Variants in PLEKHD1 observed in about 807,000 individuals in gnomAD.
PLEKHD1 encodes pleckstrin homology domain-containing family D member 1.
Under a neutral mutation model 69.2 loss-of-function variants are expected in PLEKHD1, and 51 were observed. The ratio of observed to expected loss-of-function variants is 0.74; its 90% CI spans 0.59 to 0.93. The LOEUF is 0.93. PLEKHD1 is among the 40% of genes least tolerant of loss of function. The pLI, the probability that PLEKHD1 is intolerant of heterozygous loss-of-function variation, is 0.00. For synonymous variants in PLEKHD1, 236 were observed against 244.7 expected (o/e 0.96, Z 0.33); for missense variants, 584 against 641.0 (o/e 0.91, Z 0.96).
chr14:69,471,093 T>A, the PLEKHD1 span, among the ~76,000 whole-genome samples: 1 of 47,080 alleles, frequency 2.1e-5, no homozygotes, highest in Non-Finnish European at 4.6e-5. Context: ...GCCTGGCCTT[T>A]TTTTTTTTTT....
chr14:69,491,294 G>T (rs375143834), intron 1 of PLEKHD1, among the ~76,000 whole-genome samples: 36 of 152,306 alleles, frequency 2.4e-4, no homozygotes, highest in African/African-American at 8.4e-4. Flanking sequence ...GTGGCAAAGA[G>T]GAGGGCAGAG....
intron 1 of PLEKHD1, among the ~76,000 whole-genome samples, chr14:69,494,903 T>G (rs1004157117): frequency 2.0e-5 from 3 of 152,120 alleles, no homozygotes; most frequent in African/African-American, 7.2e-5. Context: ...TCCTAGAAAT[T>G]TGCTTGCCAG....
At chr14:69,525,893 G>T (rs1363122388) in intron 8 of PLEKHD1, 51 bp from the exon 9 acceptor site, 1 of 1,514,698 alleles carries the variant, frequency 6.6e-7, no homozygotes, top group Non-Finnish European at 8.9e-7. Context: ...GGGCAGCCAC[G>T]ATGGAGAACC....
chr14:69,515,001 C>T (rs532080123), intron 6 of PLEKHD1, among the ~76,000 whole-genome samples: 3 of 152,220 alleles, frequency 2.0e-5, no homozygotes, highest in Admixed American at 2.0e-4. Context: ...AGTTCAAGAC[C>T]AGCCTGTGTG....
intron 1 of PLEKHD1, among the ~76,000 whole-genome samples, chr14:69,497,307 C>A (rs1264043350): frequency 6.6e-6 from 1 of 152,364 alleles, no homozygotes; most frequent in South Asian, 2.1e-4. Flanking sequence ...GATGCCAAAG[C>A]CTATATGCTC....
At chr14:69,475,475 A>G in the PLEKHD1 span, among the ~76,000 whole-genome samples, 1 of 151,898 alleles carries the variant, frequency 6.6e-6, no homozygotes, top group Admixed American at 6.5e-5. Flanking sequence ...ACTCCCAAAA[A>G]CGCTTCTGCA....
Position 69,500,651 on chromosome 14 carries a change from C to A in PLEKHD1, c.318C>A (p.Ser106=). The change falls in exon 3 of 13, where the codon TCC becomes TCA. Residue 106 remains serine (S), a synonymous_variant. Coordinates refer to ENST00000322564, the MANE Select transcript of PLEKHD1 (RefSeq NM_001161498.2). The part of the protein sequence containing the change: ...EPSMPYAMKI[S]HQDFHGNILL... ...GCATGCCCTATGCCATGAAGATCTC[C>A]CACCAGGACTTCCATGTGAGTAAAG... 6.4e-7 allele frequency: 1 copy of A among 1,551,430 alleles called. No homozygotes were observed. The highest frequency in any genetic ancestry group is 8.7e-7 in the Non-Finnish European group (1 of 1,146,858).
intron 6 of PLEKHD1, among the ~76,000 whole-genome samples, chr14:69,511,709 C>A (rs550149095): frequency 6.6e-6 from 1 of 152,032 alleles, no homozygotes; most frequent in Non-Finnish European, 1.5e-5. Context: ...GCCACCATAC[C>A]TGGCTAAGTT....
the PLEKHD1 span, among the ~76,000 whole-genome samples, chr14:69,473,071 G>A: frequency 1.3e-5 from 2 of 152,072 alleles, no homozygotes; most frequent in East Asian, 1.9e-4. Context: ...ACAAGTTCAG[G>A]GCTCCCACTG....
At chr14:69,513,286 A>G (rs1286470968) in intron 6 of PLEKHD1, among the ~76,000 whole-genome samples, 1 of 152,112 alleles carries the variant, frequency 6.6e-6, no homozygotes, top group Non-Finnish European at 1.5e-5. Flanking sequence ...AAAGAGTTTA[A>G]TGGAGTAAAT....
At chr14:69,508,713 G>A (rs1883206956) in intron 6 of PLEKHD1, among the ~76,000 whole-genome samples, 1 of 152,228 alleles carries the variant, frequency 6.6e-6, no homozygotes, top group Admixed American at 6.5e-5. Flanking sequence ...ACGGACAAGT[G>A]CCCTGAGCTT....
In PLEKHD1 at chr14:69,502,898, G is replaced by A. The variant is rs1883062193; in HGVS notation, c.555+19G>A. ...GAGAGAGGTAGGTGCACACCAAGGGGCTCTCAGCAGCCGTGGTGTAATGGC... is the reference window on the plus strand; with the variant it reads ...GAGAGAGGTAGGTGCACACCAAGGGACTCTCAGCAGCCGTGGTGTAATGGC... On this transcript the variant is annotated intron_variant, in intron 6 of 12. Transcript: ENST00000322564. The A allele has an allele frequency of 1.3e-6, 2 of 1,551,380 alleles. No homozygotes were observed. Among genetic ancestry groups the A allele is most frequent in the Admixed American group, 2.0e-5 (1 of 50,986 alleles).
rs1280883869 is a variant in PLEKHD1 at position 69,525,121 on chromosome 14, G to A, written c.744+799G>A. On this transcript the variant is annotated intron_variant, in intron 8 of 12. Transcript: ENST00000322564. ...TATCTACTCTGAGCTCTTGGCTCCC[G>A]TGGCATTTTGTACATATTTTATGGG... Among the ~76,000 whole-genome samples the A allele has an allele frequency of 7.9e-5, 12 of 152,204 alleles. No homozygotes were observed. The South Asian group carries it at 8.3e-4, about 11-fold the overall frequency.
intron 1 of PLEKHD1, among the ~76,000 whole-genome samples, chr14:69,497,045 G>T (rs1449598613): frequency 6.6e-6 from 1 of 152,142 alleles, no homozygotes; most frequent in African/African-American, 2.4e-5. Context: ...AGAGGAGATG[G>T]TGGCCCTGGA....
At chr14:69,512,229 CTG>C (rs59836907) in intron 6 of PLEKHD1, among the ~76,000 whole-genome samples, 18,311 of 151,994 alleles carry the variant, frequency 0.12, 1,195 homozygotes, top group Non-Finnish European at 0.14. Context: ...TCAGTGGTGT[CTG>C]TAGTTATGTT....
At chr14:69,490,830 C>A (rs1882762221) in intron 1 of PLEKHD1, among the ~76,000 whole-genome samples, 1 of 152,122 alleles carries the variant, frequency 6.6e-6, no homozygotes, top group South Asian at 2.1e-4. Context: ...GAGGGCAGTC[C>A]TTCTCCAGTT....
intron 6 of PLEKHD1, among the ~76,000 whole-genome samples, chr14:69,504,506 C>T (rs1883109180): frequency 6.6e-6 from 1 of 151,756 alleles, no homozygotes; most frequent in Non-Finnish European, 1.5e-5. Flanking sequence ...GGGCCTGGCA[C>T]AGCTCCTGGC....
At chr14:69,503,376 G>A in intron 6 of PLEKHD1, 1 of 170,768 alleles carries the variant, frequency 5.9e-6, no homozygotes, top group Non-Finnish European at 1.3e-5. Context: ...GGGAGCCACC[G>A]AAGCCCTCTT....
chr14:69,474,088 C>A, the PLEKHD1 span, among the ~76,000 whole-genome samples: 1 of 152,142 alleles, frequency 6.6e-6, no homozygotes, highest in Admixed American at 6.5e-5. Flanking sequence ...ACCCTCCCCA[C>A]CCACTCATCA....
Sources: gnomAD v4.1 joint callset for allele counts (sites outside exome capture counted in the v4.1 genomes callset) on GRCh38, gnomAD v4.1.1 for gene constraint, MANE v1.5 for transcripts, NCBI Gene and HGNC (gene_info 2026-07-23, HGNC 2026-07-21) for gene names.